AHCYL2: variants seen among roughly 807,000 people sequenced by gnomAD.
AHCYL2 encodes the protein adenosylhomocysteinase like 2.
AHCYL2 carries 28 observed loss-of-function variants against 81.4 expected under a neutral mutation model. The observed-to-expected ratio is 0.34, with a 90% CI of 0.25 to 0.47. AHCYL2 has a LOEUF of 0.47. Ranked by LOEUF, AHCYL2 falls within the 20% of genes least tolerant of loss-of-function variation. The pLI is 1.00. For missense variants in AHCYL2, 551 were observed against 785.1 expected (o/e 0.70, Z 3.56); for synonymous variants, 272 against 290.2 (o/e 0.94, Z 0.64).
At chr7:129,256,791 G>T in intron 1 of AHCYL2, among the ~76,000 whole-genome samples, 1 of 147,440 alleles carries the variant, frequency 6.8e-6, no homozygotes, top group African/African-American at 2.5e-5. Flanking sequence ...TGTTCAAAAG[G>T]TTTTTTTTTT....
chr7:129,319,221 C>T lies in AHCYL2; in HGVS notation c.364-60417C>T, dbSNP rs555300293. The stretch of plus-strand genomic sequence containing the variant: ...CTGTAATCCCAGCACTTTGGGAGGC[C>T]AAGGCAGGTGGATCACTTGAGGTCA... On this transcript the variant is annotated intron_variant, in intron 1 of 16. Transcript: ENST00000325006. Among the ~76,000 whole-genome samples the T allele has an allele frequency of 3.0e-3, 464 of 152,148 alleles. 3 individuals are homozygous for T. The highest frequency in any genetic ancestry group is 9.2e-3 in the South Asian group (44 of 4,806).
chr7:129,325,628 C>T (rs1488637778), intron 1 of AHCYL2, among the ~76,000 whole-genome samples: 3 of 151,946 alleles, frequency 2.0e-5, no homozygotes, highest in African/African-American at 7.2e-5. Context: ...TCTTACCTTT[C>T]CTTTGGAGAT....
chr7:129,395,877 C>A (rs1251936399), intron 4 of AHCYL2, among the ~76,000 whole-genome samples: 1 of 152,162 alleles, frequency 6.6e-6, no homozygotes, highest in African/African-American at 2.4e-5. Flanking sequence ...CGTAATTGTT[C>A]AAAAGTTTAG....
At chr7:129,343,452 C>T (rs182517056) in intron 1 of AHCYL2, among the ~76,000 whole-genome samples, 3 of 152,092 alleles carry the variant, frequency 2.0e-5, no homozygotes, top group Non-Finnish European at 2.9e-5. Flanking sequence ...ATTATGACTT[C>T]GAAGACTATT....
intron 1 of AHCYL2, among the ~76,000 whole-genome samples, chr7:129,370,468 G>A (rs1794334040): frequency 6.6e-6 from 1 of 152,158 alleles, no homozygotes; most frequent in Non-Finnish European, 1.5e-5. Context: ...GGAGGCCAGG[G>A]CGGGCAGATC....
At chr7:129,346,250 T>G (rs1793358388) in intron 1 of AHCYL2, among the ~76,000 whole-genome samples, 1 of 152,208 alleles carries the variant, frequency 6.6e-6, no homozygotes, top group Non-Finnish European at 1.5e-5. Flanking sequence ...GTTAAAGTCC[T>G]GTCTTTGCTG....
At chr7:129,315,785 G>A (rs1797808762) in intron 1 of AHCYL2, among the ~76,000 whole-genome samples, 1 of 151,878 alleles carries the variant, frequency 6.6e-6, no homozygotes, top group Non-Finnish European at 1.5e-5. Flanking sequence ...TTTGAGTGTA[G>A]GTTTAACAGG....
intron 1 of AHCYL2, among the ~76,000 whole-genome samples, chr7:129,230,776 T>G (rs557562848): frequency 6.6e-6 from 1 of 151,566 alleles, no homozygotes; most frequent in Admixed American, 6.6e-5. Flanking sequence ...TTTCACCATA[T>G]TGTCTAGGCT....
chr7:129,301,630 A>G (rs1182123887), intron 1 of AHCYL2, among the ~76,000 whole-genome samples: 3 of 152,070 alleles, frequency 2.0e-5, no homozygotes, highest in Admixed American at 6.6e-5. Flanking sequence ...TCTTTCCCCA[A>G]TGTATAGTTT....
intron 10 of AHCYL2, among the ~76,000 whole-genome samples, chr7:129,408,464 G>C (rs1032649203): frequency 6.6e-6 from 1 of 152,120 alleles, no homozygotes; most frequent in Non-Finnish European, 1.5e-5. Flanking sequence ...TCATTCAGTT[G>C]GATGAACAGT....
At chr7:129,266,534 CA>C (rs111575838) in intron 1 of AHCYL2, among the ~76,000 whole-genome samples, 80 of 137,624 alleles carry the variant, frequency 5.8e-4, no homozygotes, top group Admixed American at 9.4e-4. Context: ...CGTCCCCCGC[CA>C]AAAAAAAAAA....
intron 1 of AHCYL2, among the ~76,000 whole-genome samples, chr7:129,254,649 C>T (rs1795350756): frequency 6.6e-6 from 1 of 152,200 alleles, no homozygotes; most frequent in Admixed American, 6.5e-5. Flanking sequence ...TGGCACCATA[C>T]TCCTGTAAAA....
At chr7:129,404,590 G>A (rs115674518) in intron 7 of AHCYL2, among the ~76,000 whole-genome samples, 3 of 152,172 alleles carry the variant, frequency 2.0e-5, no homozygotes, top group Non-Finnish European at 4.4e-5. Context: ...CACAAAAATC[G>A]CTTGAACCCT....
chr7:129,290,929 C>CAA (rs1436774012), intron 1 of AHCYL2, among the ~76,000 whole-genome samples: 3 of 119,296 alleles, frequency 2.5e-5, no homozygotes, highest in South Asian at 2.7e-4. Context: ...GACTCCATCT[C>CAA]AAAAAAAAAA....
chr7:129,286,382 T>C (rs1056343794), intron 1 of AHCYL2, among the ~76,000 whole-genome samples: 1 of 151,960 alleles, frequency 6.6e-6, no homozygotes, highest in Non-Finnish European at 1.5e-5. Flanking sequence ...CCTTGGCCTT[T>C]TGCTTTTTTA....
At chr7:129,246,514 T>C (rs1795062830) in intron 1 of AHCYL2, among the ~76,000 whole-genome samples, 1 of 152,216 alleles carries the variant, frequency 6.6e-6, no homozygotes, top group Non-Finnish European at 1.5e-5. Context: ...TTTTATTTTT[T>C]TGAGACAGGA....
At chr7:129,254,548 T>C (rs935657521) in intron 1 of AHCYL2, among the ~76,000 whole-genome samples, 1 of 152,250 alleles carries the variant, frequency 6.6e-6, no homozygotes, top group Non-Finnish European at 1.5e-5. Flanking sequence ...AATTATTTTG[T>C]ACTTGATTGG....
In AHCYL2 at chr7:129,262,939, G is replaced by A. The variant is rs147843966; in HGVS notation, c.363+37500G>A. ...AAATAATCCAGGATGGTTGGAATAC[G>A]GAATAGGAGTCCCAAGAAATGAGGC... On this transcript the variant is annotated intron_variant, in intron 1 of 16. Transcript: ENST00000325006. Among the ~76,000 whole-genome samples the A allele has an allele frequency of 5.1e-3, 775 of 152,244 alleles. 5 individuals are homozygous for A. Among genetic ancestry groups the A allele is most frequent in the Admixed American group, 9.7e-3 (149 of 15,292 alleles).
intron 1 of AHCYL2, among the ~76,000 whole-genome samples, chr7:129,268,370 C>T (rs182700279): frequency 3.3e-5 from 5 of 152,134 alleles, no homozygotes; most frequent in East Asian, 1.9e-4. Context: ...TTTTTTGAGA[C>T]GGAGTCTTAC....
Sources: gnomAD v4.1 joint callset for allele counts (sites outside exome capture counted in the v4.1 genomes callset) on GRCh38, gnomAD v4.1.1 for gene constraint, MANE v1.5 for transcripts, NCBI Gene and HGNC (gene_info 2026-07-23, HGNC 2026-07-21) for gene names.